MDFIC: variants seen among roughly 807,000 people sequenced by gnomAD.
The protein encoded by MDFIC is myoD family inhibitor domain-containing protein.
In MDFIC, 17 loss-of-function variants were observed where a neutral mutation model predicts 23.2. The ratio of observed to expected loss-of-function variants is 0.73; its 90% CI spans 0.50 to 1.10. The LOEUF (loss-of-function observed/expected upper bound fraction) is 1.10. MDFIC is among the 50% of genes least tolerant of loss of function. The pLI, the probability that MDFIC is intolerant of heterozygous loss-of-function variation, is 0.00. For missense variants in MDFIC, 356 were observed against 316.6 expected (o/e 1.12, Z -0.95); for synonymous variants, 120 against 115.2 (o/e 1.04, Z -0.27).
intron 4 of MDFIC, among the ~76,000 whole-genome samples, chr7:114,984,648 A>G (rs974347455): frequency 1.3e-5 from 2 of 152,168 alleles, no homozygotes; most frequent in African/African-American, 4.8e-5. Flanking sequence ...CCAGGTGGAG[A>G]GTTTTAAGAC....
At chr7:114,979,309 C>T (rs1793373383) in intron 3 of MDFIC, among the ~76,000 whole-genome samples, 197 bp from the exon 4 acceptor site, 1 of 152,062 alleles carries the variant, frequency 6.6e-6, no homozygotes, top group Admixed American at 6.6e-5. Flanking sequence ...TTGATGACCC[C>T]GTTCCCATTT....
rs1480927813 is a variant in MDFIC, at chr7:114,922,966, C to G, written c.-68C>G. 3.7e-5 allele frequency: 58 copies of G among 1,557,600 alleles called. No homozygotes were observed. The Admixed American group carries it at 1.1e-3, about 28-fold the overall frequency. ...CTGCACCCAGCACCTCACAGCCCTT[C>G]CTCCGTGCGCCCTGCCGGGCGGCGA... On this transcript the variant is annotated 5_prime_UTR_variant, in exon 2 of 5. Coordinates refer to ENST00000393486, the MANE Select transcript of MDFIC (RefSeq NM_001166345.3).
chr7:114,949,926 A>G (rs946567856), intron 3 of MDFIC, among the ~76,000 whole-genome samples: 1 of 152,190 alleles, frequency 6.6e-6, no homozygotes, highest in Non-Finnish European at 1.5e-5. Context: ...CAGCACACCT[A>G]CAGTTCTAGA....
intron 4 of MDFIC, among the ~76,000 whole-genome samples, chr7:115,006,501 TAA>T (rs1253509190): frequency 1.3e-5 from 2 of 152,230 alleles, no homozygotes; most frequent in Non-Finnish European, 2.9e-5. Flanking sequence ...CATTATGGTT[TAA>T]GTTTTGTTAG....
In MDFIC at chr7:115,016,002, G is replaced by T. The variant is rs1791787885; in HGVS notation, c.*67G>T. On this transcript the variant is annotated 3_prime_UTR_variant, in exon 5 of 5. Coordinates refer to ENST00000393486, the MANE Select transcript of MDFIC (RefSeq NM_001166345.3). Reference sequence around the variant, plus strand: ...AAATTTCCTTTTGGGGGGAAGAAAAGCACATTGTAAGATTCTCATGAAACA... The same window carrying T: ...AAATTTCCTTTTGGGGGGAAGAAAATCACATTGTAAGATTCTCATGAAACA... 6.8e-7 allele frequency: 1 copy of T among 1,470,414 alleles called. No homozygotes were observed. The highest frequency in any genetic ancestry group is 9.2e-7 in the Non-Finnish European group (1 of 1,082,462). 91.1% of individuals were successfully genotyped at this position (1,470,414 alleles called of 1,614,324 possible). A position where few individuals can be genotyped will look rare whatever the true frequency, so the allele number is the denominator to read the frequency against.
rs371025075 is a variant in MDFIC, at chr7:114,955,084, C to G, written c.217+12687C>G. 2.0e-5 allele frequency among the ~76,000 whole-genome samples: 3 copies of G among 152,170 alleles called. No individual in the cohort carries two copies. The South Asian group carries it at 6.2e-4, about 32-fold the overall frequency. Reference sequence around the variant, plus strand: ...ATCTACAATGGCTTTTCCTATTTCTCACAACACCCTTTCCTTTTTAGCTGT... The same window carrying G: ...ATCTACAATGGCTTTTCCTATTTCTGACAACACCCTTTCCTTTTTAGCTGT... On this transcript the variant is annotated intron_variant, in intron 3 of 4. Transcript: ENST00000393486.
chr7:115,011,175 G>A (rs1791674097), intron 4 of MDFIC, among the ~76,000 whole-genome samples: 1 of 152,094 alleles, frequency 6.6e-6, no homozygotes. Flanking sequence ...TCCTGTTTCT[G>A]CTACTCACTC....
rs534808484 is a variant in MDFIC, at chr7:115,015,486, G to A, written c.494-202G>A. On this transcript the variant is annotated intron_variant, in intron 4 of 4. Transcript: ENST00000393486. ...GTACACACAATACTTTTTTTTTTTC[G>A]AACTAAGTATCTACTTCTAAAGATC... Among the ~76,000 whole-genome samples the A allele has an allele frequency of 2.1e-4, 31 of 149,986 alleles. 1 individual carries two copies. The highest frequency in any genetic ancestry group is 7.3e-4 in the African/African-American group (30 of 40,898).
intron 3 of MDFIC, among the ~76,000 whole-genome samples, chr7:114,953,173 TCTAG>T (rs1792813163): frequency 6.6e-6 from 1 of 152,214 alleles, no homozygotes. Context: ...TGATTTTTAG[TCTAG>T]CTTTACATCT....
chr7:114,923,657 C>G, intron 2 of MDFIC: 1 of 1,422,202 alleles, frequency 7.0e-7, no homozygotes, highest in South Asian at 1.5e-5. Flanking sequence ...TTATAAGAAA[C>G]ACTTTCCAAG....
intron 3 of MDFIC, among the ~76,000 whole-genome samples, chr7:114,966,198 ATT>A (rs1174975757): frequency 1.8e-4 from 27 of 152,166 alleles, no homozygotes; most frequent in Non-Finnish European, 7.4e-5. Context: ...TATATTATTT[ATT>A]TTTTGTAGCA....
At chr7:115,011,192 TGACCTTG>T in intron 4 of MDFIC, among the ~76,000 whole-genome samples, 1 of 152,166 alleles carries the variant, frequency 6.6e-6, no homozygotes, top group Admixed American at 6.5e-5. Flanking sequence ...ACTCCCTCTA[TGACCTTG>T]GGAAAATTTC....
intron 3 of MDFIC, among the ~76,000 whole-genome samples, chr7:114,960,337 A>G (rs1300233476): frequency 6.6e-6 from 1 of 152,198 alleles, no homozygotes. Context: ...CCTCTTCCTT[A>G]CTGCGTTTTC....
chr7:114,965,669 G>C (rs1793081096), intron 3 of MDFIC, among the ~76,000 whole-genome samples: 1 of 152,166 alleles, frequency 6.6e-6, no homozygotes, highest in Non-Finnish European at 1.5e-5. Flanking sequence ...GGCCAGTTTT[G>C]TAATCTGGGA....
chr7:114,974,049 C>G (rs1182342203), intron 3 of MDFIC, among the ~76,000 whole-genome samples: 1 of 152,100 alleles, frequency 6.6e-6, no homozygotes, highest in Non-Finnish European at 1.5e-5. Flanking sequence ...GTGCCAGAAG[C>G]TTCTAGACTA....
chr7:114,973,268 G>A (rs1245036950), intron 3 of MDFIC, among the ~76,000 whole-genome samples: 2 of 152,092 alleles, frequency 1.3e-5, no homozygotes, highest in South Asian at 4.1e-4. Context: ...AGTAGGAAAT[G>A]AGCATTCCAG....
chr7:114,983,252 G>C (rs1793449168), intron 4 of MDFIC, among the ~76,000 whole-genome samples: 1 of 152,086 alleles, frequency 6.6e-6, no homozygotes, highest in Non-Finnish European at 1.5e-5. Flanking sequence ...TGTATGTCTG[G>C]GTACATGGTG....
Position 114,942,370 on chromosome 7 carries a change from A to T in MDFIC, c.190A>T (p.Asn64Tyr). ...GEMQDQSIWG[N>Y]PSDGELIRTQ... ...GATGCAAGACCAGTCCATTTGGGGA[A>T]ATCCTTCGGATGGTGAACTCATTAG... The change falls in exon 3 of 5, where the codon AAT becomes TAT. Residue 64 changes from asparagine to tyrosine, a missense_variant. Asn to Tyr is a moderately radical substitution (Grantham distance 143). Coordinates refer to ENST00000393486, the MANE Select transcript of MDFIC (RefSeq NM_001166345.3). The T allele has an allele frequency of 6.2e-7, 1 of 1,602,678 alleles. No individual in the cohort carries two copies. The highest frequency in any genetic ancestry group is 8.5e-7 in the Non-Finnish European group (1 of 1,174,936).
At chr7:114,958,009 G>C (rs2115848003) in intron 3 of MDFIC, among the ~76,000 whole-genome samples, 1 of 152,232 alleles carries the variant, frequency 6.6e-6, no homozygotes, top group Admixed American at 6.5e-5. Context: ...AATGAGTCAT[G>C]GACTTACTCC....
Sources: gnomAD v4.1 joint callset for allele counts (sites outside exome capture counted in the v4.1 genomes callset) on GRCh38, gnomAD v4.1.1 for gene constraint, MANE v1.5 for transcripts, NCBI Gene and HGNC (gene_info 2026-07-23, HGNC 2026-07-21) for gene names.